CPEB3: variants seen among roughly 807,000 people sequenced by gnomAD.
The protein encoded by CPEB3 is cytoplasmic polyadenylation element-binding protein 3.
Under a neutral mutation model 67.2 loss-of-function variants are expected in CPEB3, and 20 were observed. That is an observed-to-expected ratio of 0.30 (90% confidence interval 0.21 to 0.43). The LOEUF is 0.43. CPEB3 is among the 20% of genes least tolerant of loss of function. The probability of loss-of-function intolerance (pLI) is 1.00; values close to 1 mark genes in which losing one functional copy is unlikely to be tolerated. For synonymous variants in CPEB3, 376 were observed against 393.1 expected (o/e 0.96, Z 0.51); for missense variants, 746 against 968.6 (o/e 0.77, Z 3.05).
At chr10:92,080,425 A>G (rs1393507947) in intron 9 of CPEB3, among the ~76,000 whole-genome samples, 1 of 152,096 alleles carries the variant, frequency 6.6e-6, no homozygotes, top group Non-Finnish European at 1.5e-5. Context: ...CATCAGAGGT[A>G]GCACTCTTAA....
chr10:92,249,121 G>T (rs907671818), intron 1 of CPEB3, among the ~76,000 whole-genome samples: 4 of 152,168 alleles, frequency 2.6e-5, no homozygotes, highest in African/African-American at 9.7e-5. Context: ...GCTCATGCCT[G>T]TAATTCTAGC....
At chr10:92,126,320 C>T (rs538512788) in intron 6 of CPEB3, among the ~76,000 whole-genome samples, 2 of 152,242 alleles carry the variant, frequency 1.3e-5, no homozygotes, top group South Asian at 2.1e-4. Context: ...TACTCATAAC[C>T]ACACCCCTGA....
intron 2 of CPEB3, among the ~76,000 whole-genome samples, chr10:92,210,297 T>A (rs1850015368): frequency 6.6e-6 from 1 of 152,108 alleles, no homozygotes; most frequent in East Asian, 1.9e-4. Flanking sequence ...AAGATACAAA[T>A]GAAGGTGGTC....
At chr10:92,227,518 C>T (rs1044513499) in intron 2 of CPEB3, among the ~76,000 whole-genome samples, 1 of 152,128 alleles carries the variant, frequency 6.6e-6, no homozygotes, top group Non-Finnish European at 1.5e-5. Context: ...CTACCTAATG[C>T]CAACCTTCTT....
rs150337501 is a variant in CPEB3 at position 92,159,370 on chromosome 10, C to T, written c.1223-14285G>A. The stretch of plus-strand genomic sequence containing the variant: ...TACATTTACAGTGTATTACATTAAG[C>T]ATTAAAGAAAACTATTTCTGACTGG... On this transcript the variant is annotated intron_variant, in intron 4 of 9. Transcript: ENST00000265997. Among the ~76,000 whole-genome samples the T allele has an allele frequency of 8.7e-3, 1,324 of 152,008 alleles. 8 individuals carry two copies. The highest frequency in any genetic ancestry group is 0.012 in the Non-Finnish European group (838 of 67,940).
At chr10:92,091,796 G>A (rs768405541) in intron 8 of CPEB3, 34 bp downstream of exon 8, 1 of 1,312,360 alleles carries the variant, frequency 7.6e-7, no homozygotes, top group South Asian at 1.2e-5. Context: ...GTTGTTGTTG[G>A]TTTTGTTGTT....
chr10:92,095,622 TA>T (rs1166938460), intron 7 of CPEB3, among the ~76,000 whole-genome samples: 2 of 143,936 alleles, frequency 1.4e-5, no homozygotes, highest in Non-Finnish European at 1.5e-5. Context: ...TCATTGTGTA[TA>T]TATATATTGC....
chr10:92,119,145 T>C (rs1325446007), intron 6 of CPEB3: 3 of 1,583,798 alleles, frequency 1.9e-6, no homozygotes, highest in Non-Finnish European at 2.6e-6. Flanking sequence ...TTGTCCTCTG[T>C]AGGGCCGGCA....
chr10:92,111,334 TC>T, intron 6 of CPEB3, 140 bp from the exon 7 acceptor site: 2 of 679,328 alleles, frequency 2.9e-6, no homozygotes, highest in Non-Finnish European at 5.3e-6. Context: ...AGGGACTTTG[TC>T]CAGGAACTAA....
At chr10:92,127,646 T>C (rs138503922) in intron 6 of CPEB3, among the ~76,000 whole-genome samples, 34 of 152,142 alleles carry the variant, frequency 2.2e-4, no homozygotes, top group African/African-American at 7.7e-4. Flanking sequence ...GCCATTGCAC[T>C]CCAGCCTGGG....
chr10:92,147,510 A>G (rs1846743655), intron 4 of CPEB3, among the ~76,000 whole-genome samples: 1 of 152,156 alleles, frequency 6.6e-6, no homozygotes, highest in African/African-American at 2.4e-5. Flanking sequence ...GGAACCCTTT[A>G]CCATACAAAA....
intron 1 of CPEB3, among the ~76,000 whole-genome samples, chr10:92,282,345 A>G (rs1260795483): frequency 6.6e-6 from 1 of 152,206 alleles, no homozygotes; most frequent in Non-Finnish European, 1.5e-5. Context: ...AGTCCTCTAT[A>G]AGTAGCAAGT....
At chr10:92,165,653 C>G (rs899906480) in intron 4 of CPEB3, among the ~76,000 whole-genome samples, 5 of 152,176 alleles carry the variant, frequency 3.3e-5, no homozygotes, top group Admixed American at 2.6e-4. Flanking sequence ...TCAAACCCTG[C>G]AACAGCTTTA....
At chr10:92,091,106 A>G (rs1843598056) in intron 8 of CPEB3, among the ~76,000 whole-genome samples, 1 of 152,192 alleles carries the variant, frequency 6.6e-6, no homozygotes, top group East Asian at 1.9e-4. Context: ...TCACAACATG[A>G]TTTTAATGAT....
rs545038865 is a variant in CPEB3 at position 92,069,625 on chromosome 10, G to A, written c.1869+11695C>T. The stretch of plus-strand genomic sequence containing the variant: ...TCACCATGTTGGCCAGGCTGGTCTC[G>A]AACTCCTGACCTCAAATGATCCACC... On this transcript the variant is annotated intron_variant, in intron 9 of 9. Transcript: ENST00000265997. Among the ~76,000 whole-genome samples, 278 of 152,214 alleles carry A rather than the reference G, an allele frequency of 1.8e-3. 1 individual carries two copies. Among genetic ancestry groups the A allele is most frequent in the African/African-American group, 6.5e-3 (269 of 41,526 alleles).
At chr10:92,257,914 G>A (rs902892626) in intron 1 of CPEB3, among the ~76,000 whole-genome samples, 1 of 151,044 alleles carries the variant, frequency 6.6e-6, no homozygotes, top group African/African-American at 2.4e-5. Flanking sequence ...ATTTTTGATA[G>A]AGATGGGGTT....
chr10:92,238,259 A>G (rs1413333309), intron 2 of CPEB3, among the ~76,000 whole-genome samples: 1 of 152,220 alleles, frequency 6.6e-6, no homozygotes, highest in African/African-American at 2.4e-5. Context: ...TGGGAGCAAA[A>G]GCCGCCTGTG....
chr10:92,181,315 G>A (rs1253201885), intron 3 of CPEB3, among the ~76,000 whole-genome samples: 1 of 138,090 alleles, frequency 7.2e-6, no homozygotes, highest in African/African-American at 2.7e-5. Context: ...CAACTCCTTG[G>A]ATTAAACATT....
chr10:92,257,734 T>TC (rs1348741620), intron 1 of CPEB3, among the ~76,000 whole-genome samples: 14 of 150,846 alleles, frequency 9.3e-5, no homozygotes, highest in African/African-American at 3.4e-4. Flanking sequence ...AACTCTTTTT[T>TC]TTTTTTTTTT....
Sources: gnomAD v4.1 joint callset for allele counts (sites outside exome capture counted in the v4.1 genomes callset) on GRCh38, gnomAD v4.1.1 for gene constraint, MANE v1.5 for transcripts, NCBI Gene and HGNC (gene_info 2026-07-23, HGNC 2026-07-21) for gene names.